The following NEDD9 variants were observed in gnomAD, a reference collection of about 807,000 sequenced individuals.
NEDD9 encodes enhancer of filamentation 1.
A neutral mutation model predicts 76.6 loss-of-function variants in NEDD9; 26 were observed. The observed-to-expected ratio is 0.34, with a 90% CI of 0.25 to 0.47. The LOEUF (loss-of-function observed/expected upper bound fraction) is 0.47, where lower values mean the gene tolerates loss of function less well. NEDD9 is among the 20% of genes least tolerant of loss of function. The pLI is 1.00. For missense variants in NEDD9, 937 were observed against 1,058.5 expected (o/e 0.89, Z 1.59); for synonymous variants, 392 against 414.2 (o/e 0.95, Z 0.65).
chr6:11,251,359 A>G (rs1759910198), intron 3 of NEDD9: 1 of 152,206 alleles, frequency 6.6e-6, no homozygotes, highest in Non-Finnish European at 1.5e-5. Flanking sequence ...TATTAAACAG[A>G]TAGGGATACT....
intron 1 of NEDD9, 149 bp downstream of exon 1, chr6:11,232,355 G>T: frequency 2.2e-6 from 2 of 919,866 alleles, no homozygotes; most frequent in Non-Finnish European, 3.4e-6. Flanking sequence ...TTGCTTGTCT[G>T]CTTGCATGTC....
At chr6:11,350,647 T>C (rs1762448680) in intron 1 of NEDD9, among the ~76,000 whole-genome samples, 1 of 152,168 alleles carries the variant, frequency 6.6e-6, no homozygotes, top group African/African-American at 2.4e-5. Context: ...CTTCCCTCAA[T>C]GTCACTGGTA....
At chr6:11,340,826 G>A (rs1260037236) in intron 1 of NEDD9, among the ~76,000 whole-genome samples, 1 of 152,104 alleles carries the variant, frequency 6.6e-6, no homozygotes, top group African/African-American at 2.4e-5. Context: ...TCAGTTCTTG[G>A]CCCCAAACTT....
At chr6:11,218,391 G>A (rs1456099461) in intron 1 of NEDD9, among the ~76,000 whole-genome samples, 1 of 149,814 alleles carries the variant, frequency 6.7e-6, no homozygotes, top group Non-Finnish European at 1.5e-5. Flanking sequence ...TTCCCAATTG[G>A]CTTTCCTGCA....
intron 3 of NEDD9, 30 bp downstream of exon 3, chr6:11,193,561 C>T: frequency 6.6e-7 from 1 of 1,508,570 alleles, no homozygotes; most frequent in Non-Finnish European, 9.2e-7. Context: ...AGAAGCGCTT[C>T]TCCTCTTGTG....
chr6:11,358,447 T>C (rs1275070033), intron 1 of NEDD9, among the ~76,000 whole-genome samples: 1 of 152,072 alleles, frequency 6.6e-6, no homozygotes, highest in Non-Finnish European at 1.5e-5. Context: ...TGGTGTTGGA[T>C]TAATGGCATT....
intron 1 of NEDD9, among the ~76,000 whole-genome samples, chr6:11,356,266 C>T (rs778337595): frequency 5.9e-5 from 9 of 152,150 alleles, no homozygotes; most frequent in African/African-American, 9.7e-5. Flanking sequence ...CCACACCTGA[C>T]GGATCCTAAG....
chr6:11,234,757 C>G (rs1242787208), upstream of NEDD9, among the ~76,000 whole-genome samples: 7 of 149,872 alleles, frequency 4.7e-5, no homozygotes, highest in Non-Finnish European at 8.8e-5. Flanking sequence ...TTCTTGTTGC[C>G]CAGGCTGGAG....
chr6:11,326,487 T>G (rs867997139), intron 2 of NEDD9, among the ~76,000 whole-genome samples: 11 of 152,274 alleles, frequency 7.2e-5, no homozygotes, highest in South Asian at 6.2e-4. Flanking sequence ...TTCTTTCTCA[T>G]GCTTAACTTT....
intron 1 of NEDD9, among the ~76,000 whole-genome samples, chr6:11,363,087 G>T (rs1466675511): frequency 6.6e-6 from 1 of 152,068 alleles, no homozygotes; most frequent in Non-Finnish European, 1.5e-5. Flanking sequence ...TATCTAAATT[G>T]GTTGCAGTCA....
At chr6:11,336,898 A>T (rs1227068648) in intron 1 of NEDD9, among the ~76,000 whole-genome samples, 4 of 152,148 alleles carry the variant, frequency 2.6e-5, no homozygotes, top group Non-Finnish European at 4.4e-5. Flanking sequence ...CTTCAGGGGC[A>T]ATGACATACA....
chr6:11,368,673 T>A (rs1051872827), intron 1 of NEDD9, among the ~76,000 whole-genome samples: 1 of 152,258 alleles, frequency 6.6e-6, no homozygotes, highest in Non-Finnish European at 1.5e-5. Context: ...TATCATCTAG[T>A]CATGAAATAT....
intron 1 of NEDD9, among the ~76,000 whole-genome samples, chr6:11,223,498 C>A (rs1322311248): frequency 1.4e-5 from 2 of 145,682 alleles, no homozygotes; most frequent in Admixed American, 6.8e-5. Context: ...AAAAAAAAAC[C>A]AACAAAACAA....
At chr6:11,331,227 G>A (rs1328052767) in intron 2 of NEDD9, among the ~76,000 whole-genome samples, 1 of 152,184 alleles carries the variant, frequency 6.6e-6, no homozygotes, top group African/African-American at 2.4e-5. Context: ...TGGCAGTGAA[G>A]GGGAACTGCG....
chr6:11,227,915 C>T (rs953820208), intron 1 of NEDD9, among the ~76,000 whole-genome samples: 3 of 152,008 alleles, frequency 2.0e-5, no homozygotes, highest in Non-Finnish European at 4.4e-5. Flanking sequence ...ACTTTACTAG[C>T]GGGACTGACA....
chr6:11,189,513 A>G (rs1481175445), intron 5 of NEDD9, among the ~76,000 whole-genome samples: 4 of 152,204 alleles, frequency 2.6e-5, no homozygotes, highest in African/African-American at 7.2e-5. Flanking sequence ...AAGGTCTTCT[A>G]TTCTTTTTCT....
At chr6:11,234,160 G>A (rs1034383468), upstream of NEDD9, among the ~76,000 whole-genome samples, 3 of 152,118 alleles carry the variant, frequency 2.0e-5, no homozygotes, top group African/African-American at 7.2e-5. Context: ...TTTGTCCTTA[G>A]AGCAAAAATA....
intron 1 of NEDD9, among the ~76,000 whole-genome samples, chr6:11,223,462 C>G (rs1041492480): frequency 5.4e-5 from 8 of 148,800 alleles, no homozygotes; most frequent in Non-Finnish European, 8.9e-5. Context: ...GTACTCCTCC[C>G]CTTGGAAAAA....
chr6:11,250,582 C>G (rs1391902992), intron 3 of NEDD9, among the ~76,000 whole-genome samples: 2 of 152,162 alleles, frequency 1.3e-5, no homozygotes, highest in Non-Finnish European at 1.5e-5. Context: ...GCCGGCATAC[C>G]ATTCTCTGCT....
Sources: allele counts gnomAD v4.1 joint callset (sites outside exome capture counted in the v4.1 genomes callset), GRCh38; gene constraint gnomAD v4.1.1; transcripts MANE v1.5; gene names NCBI Gene and HGNC (gene_info 2026-07-23, HGNC 2026-07-21).